The following SCAI variants were observed in gnomAD, a reference collection of about 807,000 sequenced individuals.
SCAI encodes protein SCAI.
Under a neutral mutation model 92.2 loss-of-function variants are expected in SCAI, and 24 were observed. The observed-to-expected ratio is 0.26, with a 90% CI of 0.19 to 0.37. The LOEUF is 0.37. Ranked by LOEUF, SCAI falls within the 10% of genes least tolerant of loss-of-function variation. The pLI is 1.00. For synonymous variants in SCAI, 261 were observed against 258.6 expected (o/e 1.01, Z -0.09); for missense variants, 450 against 736.2 (o/e 0.61, Z 4.50).
chr9:125,085,506 A>T (rs1834308825), intron 2 of SCAI, among the ~76,000 whole-genome samples: 1 of 151,400 alleles, frequency 6.6e-6, no homozygotes, highest in South Asian at 2.1e-4. Context: ...AAAAAAATCA[A>T]ATAACATATC....
chr9:125,072,302 G>GT (rs1195461028), intron 2 of SCAI, among the ~76,000 whole-genome samples: 1 of 152,130 alleles, frequency 6.6e-6, no homozygotes, highest in Non-Finnish European at 1.5e-5. Context: ...GATTACAGGC[G>GT]TAAGATAGTA....
At chr9:124,991,078 C>T (rs147519450) in intron 14 of SCAI, among the ~76,000 whole-genome samples, 1,736 of 152,216 alleles carry the variant, frequency 0.011, 90 homozygotes, top group Admixed American at 0.083. Context: ...AGTGGCCAGG[C>T]GCAGTGGCTC....
chr9:125,073,572 GTA>G (rs1452941369), intron 2 of SCAI, among the ~76,000 whole-genome samples: 4 of 152,114 alleles, frequency 2.6e-5, no homozygotes, highest in African/African-American at 9.7e-5. Context: ...ATGAATGAGT[GTA>G]GTTTTGATTT....
intron 3 of SCAI, among the ~76,000 whole-genome samples, chr9:125,041,376 G>T (rs1342597323): frequency 6.6e-6 from 1 of 152,172 alleles, no homozygotes; most frequent in African/African-American, 2.4e-5. Flanking sequence ...CTGTTAGGAA[G>T]ATTGTATTAT....
chr9:125,016,664 T>G (rs10986522), intron 9 of SCAI, among the ~76,000 whole-genome samples: 1,875 of 152,038 alleles, frequency 0.012, 97 homozygotes, highest in Admixed American at 0.083. Flanking sequence ...GACACTGCAG[T>G]GTGGCAGGGA....
chr9:125,019,354 G>A (rs568133707), intron 7 of SCAI, 149 bp from the exon 8 acceptor site: 5 of 542,576 alleles, frequency 9.2e-6, no homozygotes, highest in Non-Finnish European at 1.6e-5. Flanking sequence ...AAACAAAGAT[G>A]AAAACTAATA....
At chr9:125,090,151 C>A (rs1834402039) in intron 2 of SCAI, among the ~76,000 whole-genome samples, 1 of 152,196 alleles carries the variant, frequency 6.6e-6, no homozygotes, top group Non-Finnish European at 1.5e-5. Context: ...AGTATACATA[C>A]TAGGAGCTAG....
intron 14 of SCAI, among the ~76,000 whole-genome samples, chr9:124,978,038 T>G (rs1421118902): frequency 6.6e-6 from 1 of 152,166 alleles, no homozygotes; most frequent in African/African-American, 2.4e-5. Context: ...TACATAAAAA[T>G]CAAAAGCTTA....
chr9:125,023,838 C>T (rs184236963), intron 6 of SCAI, among the ~76,000 whole-genome samples: 1 of 152,142 alleles, frequency 6.6e-6, no homozygotes. Context: ...TGCAGCAAAG[C>T]ACAGATTAAA....
intron 17 of SCAI, among the ~76,000 whole-genome samples, chr9:124,962,175 G>GGC (rs1564358569): frequency 2.8e-5 from 4 of 144,156 alleles, no homozygotes; most frequent in Admixed American, 6.9e-5. Flanking sequence ...TTTTTTGCGG[G>GGC]GGGGGATGGA....
At chr9:125,081,204 G>A (rs1461000216) in intron 2 of SCAI, among the ~76,000 whole-genome samples, 1 of 152,204 alleles carries the variant, frequency 6.6e-6, no homozygotes, top group African/African-American at 2.4e-5. Flanking sequence ...AAATGTAGAA[G>A]TGACTTTGGA....
intron 13 of SCAI, among the ~76,000 whole-genome samples, chr9:124,996,455 C>A (rs1832241252): frequency 6.6e-6 from 1 of 151,896 alleles, no homozygotes; most frequent in Admixed American, 6.6e-5. Flanking sequence ...GCGTGCACCT[C>A]AACGCCTGGC....
At chr9:125,003,727 A>G (rs1328149470) in intron 9 of SCAI, 157 bp from the exon 10 acceptor site, 7 of 597,468 alleles carry the variant, frequency 1.2e-5, no homozygotes, top group Admixed American at 6.0e-5. Context: ...CAAGCGATGG[A>G]AAGACTGGAA....
At chr9:125,048,418 T>C (rs573986320) in intron 3 of SCAI, among the ~76,000 whole-genome samples, 1 of 152,234 alleles carries the variant, frequency 6.6e-6, no homozygotes, top group Admixed American at 6.5e-5. Flanking sequence ...GTACAGACAG[T>C]TTAGGGTATA....
chr9:124,996,138 A>T (rs1311255397), intron 13 of SCAI, among the ~76,000 whole-genome samples: 2 of 141,558 alleles, frequency 1.4e-5, no homozygotes, highest in Non-Finnish European at 3.0e-5. Context: ...GCATACATGT[A>T]TAGTGATTAC....
intron 2 of SCAI, among the ~76,000 whole-genome samples, chr9:125,140,939 TTTTA>T (rs1192173381): frequency 1.3e-5 from 2 of 152,074 alleles, no homozygotes; most frequent in African/African-American, 4.8e-5. Context: ...TACTGAGAAA[TTTTA>T]TTTATTCAAT....
chr9:125,071,044 C>T (rs143944900), intron 2 of SCAI, among the ~76,000 whole-genome samples: 1 of 152,260 alleles, frequency 6.6e-6, no homozygotes, highest in Non-Finnish European at 1.5e-5. Context: ...GCTTGGTTCT[C>T]ATTTTCTCTC....
intron 9 of SCAI, among the ~76,000 whole-genome samples, chr9:125,008,085 TC>T (rs146596407): frequency 0.18 from 27,344 of 151,804 alleles, 2,580 homozygotes; most frequent in East Asian, 0.24. Flanking sequence ...GACCTTGTGA[TC>T]CGCCCGCCTC....
At chr9:124,976,888 T>G (rs538824066) in intron 14 of SCAI, among the ~76,000 whole-genome samples, 2 of 152,274 alleles carry the variant, frequency 1.3e-5, no homozygotes, top group African/African-American at 4.8e-5. Flanking sequence ...TTCTTTTTTT[T>G]TTTGAGTCGT....
Sources: gnomAD v4.1 joint callset for allele counts (sites outside exome capture counted in the v4.1 genomes callset) on GRCh38, gnomAD v4.1.1 for gene constraint, MANE v1.5 for transcripts, NCBI Gene and HGNC (gene_info 2026-07-23, HGNC 2026-07-21) for gene names.